Variants in STK10 observed in about 807,000 individuals in gnomAD.
STK10 encodes the protein serine/threonine kinase 10.
Under a neutral mutation model 113.8 loss-of-function variants are expected in STK10, and 78 were observed. The ratio of observed to expected loss-of-function variants is 0.69; its 90% confidence interval spans 0.57 to 0.83. The LOEUF is 0.83. STK10 is among the 40% of genes least tolerant of loss of function. STK10 has a pLI of 0.00. For missense variants in STK10, 1,109 were observed against 1,280.1 expected, an observed-to-expected ratio of 0.87 and a Z score of 2.04; for synonymous variants, 465 against 494.7, an observed-to-expected ratio of 0.94 and a Z score of 0.80.
chr5:172,132,932 C>T (rs1232794817), intron 2 of STK10, among the ~76,000 whole-genome samples: 7 of 152,140 alleles, frequency 4.6e-5, no homozygotes, highest in South Asian at 2.1e-4. Context: ...CCTGTGGACA[C>T]GGTCATTAAC....
At position 172,117,601 on chromosome 5, in the gene STK10, T is replaced by C. The variant is rs1289266841; in HGVS notation, c.400A>G (p.Ile134Val). The C allele has an allele frequency of 1.2e-6, 2 of 1,614,000 alleles. No homozygotes were observed. The highest frequency in any genetic ancestry group is 2.2e-5 in the East Asian group (1 of 44,854). Residue 134 changes from isoleucine (I) to valine (V), a missense_variant, in exon 4 of 19, where the codon ATA becomes GTA. This residue lies in a region of STK10 where 120 missense variants were observed against 134.8 expected (regional missense o/e 0.89). Transcript: ENST00000176763. ...ELDRGLTEPQ[I>V]QVVCRQMLEA... ...AGCATCTGGCGGCAAACCACCTGTATCTGGGGCTCCGTGAGGCCTCTGTCC... is the reference window on the plus strand; with the variant it reads ...AGCATCTGGCGGCAAACCACCTGTACCTGGGGCTCCGTGAGGCCTCTGTCC...
Position 172,156,756 on chromosome 5 carries a change from C to T in STK10, c.189G>A (p.Ala63=), listed in dbSNP as rs748777126. The change falls in exon 2 of 19, where the codon GCG becomes GCA. Residue 63 remains alanine (A), a synonymous_variant. Coordinates refer to ENST00000176763, the MANE Select transcript of STK10 (RefSeq NM_005990.4). The part of the protein sequence containing the change: ...AKNKETGALA[A]AKVIETKSEE... ...CACTCTTGGTTTCAATGACTTTGGC[C>T]GCAGCCAAAGCACCCGTCTCCTTAT... 2.0e-5 allele frequency: 33 copies of T among 1,613,872 alleles called. No homozygotes were observed. The highest frequency in any genetic ancestry group is 2.0e-4 in the African/African-American group (15 of 74,900).
intron 5 of STK10, 96 bp from the exon 6 acceptor site, chr5:172,106,910 G>T: frequency 7.8e-7 from 1 of 1,290,154 alleles, no homozygotes; most frequent in Non-Finnish European, 1.1e-6. Context: ...GCCACTGTCG[G>T]GGTTGGCAGC....
Position 172,082,601 on chromosome 5 carries a change from C to G in STK10, c.1810-96G>C. On this transcript the variant is annotated intron_variant, in intron 11 of 18. Transcript: ENST00000176763. This position sits in a 1 kb window ranked among gnomAD's most constrained non-coding sequence, Gnocchi z 4.3. ...ATGGGGAGAACTCAGAGCTTGTGAT[C>G]AGACCTAAGCTTGAATCCCAGCTCT... 1 of 1,427,906 alleles carries G rather than the reference C, an allele frequency of 7.0e-7. No individual in the cohort carries two copies. The highest frequency in any genetic ancestry group is 9.4e-7 in the Non-Finnish European group (1 of 1,068,002). 88.5% of individuals were successfully genotyped at this position (1,427,906 alleles called of 1,614,324 possible).
chr5:172,183,869 A>G (rs1770906250), intron 1 of STK10, among the ~76,000 whole-genome samples: 1 of 152,164 alleles, frequency 6.6e-6, no homozygotes, highest in East Asian at 1.9e-4. Context: ...CACAAAATCA[A>G]TCCTATCCTC....
intron 2 of STK10, among the ~76,000 whole-genome samples, chr5:172,153,835 CTTTGACTGTT>C (rs1770294665): frequency 6.6e-6 from 1 of 152,238 alleles, no homozygotes; most frequent in Non-Finnish European, 1.5e-5. Flanking sequence ...GGTCCCTCTA[CTTTGACTGTT>C]CTTCCTTCTC....
chr5:172,100,238 T>C (rs1581155731), intron 7 of STK10, among the ~76,000 whole-genome samples: 1 of 152,136 alleles, frequency 6.6e-6, no homozygotes, highest in African/African-American at 2.4e-5. Context: ...GGTAGGCTGG[T>C]CTGGGCACAC....
chr5:172,057,254 T>G, intron 15 of STK10, 95 bp downstream of exon 15: 1 of 1,503,178 alleles, frequency 6.7e-7, no homozygotes, highest in Non-Finnish European at 8.9e-7. Context: ...TCATCCAAAG[T>G]GTGCACCCAA....
chr5:172,061,399 G>A, intron 13 of STK10, 131 bp from the exon 14 acceptor site: 1 of 1,353,968 alleles, frequency 7.4e-7, no homozygotes, highest in Non-Finnish European at 9.9e-7. Context: ...ATTGGTGGAG[G>A]AGAAATTTAA....
At chr5:172,146,200 C>G (rs968075837) in intron 2 of STK10, among the ~76,000 whole-genome samples, 2 of 152,206 alleles carry the variant, frequency 1.3e-5, no homozygotes, top group African/African-American at 2.4e-5. Flanking sequence ...CCTAAACTGC[C>G]GGGCCCACAG....
At chr5:172,059,115 A>C (rs1475147379) in intron 14 of STK10, among the ~76,000 whole-genome samples, 1 of 151,534 alleles carries the variant, frequency 6.6e-6, no homozygotes, top group East Asian at 1.9e-4. Context: ...CTGTAGTCCC[A>C]GCTACTCAGG....
chr5:172,143,746 A>G (rs1207809591), intron 2 of STK10, among the ~76,000 whole-genome samples: 1 of 152,228 alleles, frequency 6.6e-6, no homozygotes, highest in African/African-American at 2.4e-5. Context: ...GAGCGAAGTC[A>G]CTTTATCCTT....
intron 12 of STK10, among the ~76,000 whole-genome samples, chr5:172,067,174 A>C (rs7717237): frequency 0.7 from 105,603 of 151,854 alleles, 37,563 homozygotes; most frequent in African/African-American, 0.85. Flanking sequence ...CATGGCAAAA[A>C]CCCGTCTCTA....
chr5:172,117,757 G>A lies in STK10; in HGVS notation c.371-127C>T, dbSNP rs6895951. ...AGGCCAGGCGTGGTGGCTCACGCCT[G>A]TAATCCCAGCACTTTGAGAGGCCGA... On this transcript the variant is annotated intron_variant, in intron 3 of 18. Coordinates refer to ENST00000176763, the MANE Select transcript of STK10 (RefSeq NM_005990.4). The A allele has an allele frequency of 4.3e-3, 5,648 of 1,314,494 alleles. 71 individuals carry two copies. The highest frequency in any genetic ancestry group is 0.042 in the African/African-American group (2,850 of 67,474). 81.4% of individuals were successfully genotyped at this position (1,314,494 alleles called of 1,614,324 possible).
At chr5:172,135,921 G>A (rs1451225112) in intron 2 of STK10, among the ~76,000 whole-genome samples, 1 of 151,898 alleles carries the variant, frequency 6.6e-6, no homozygotes, top group African/African-American at 2.4e-5. Context: ...CAGCTACTTG[G>A]GTGGCTGAGG....
intron 15 of STK10, among the ~76,000 whole-genome samples, chr5:172,056,613 A>G (rs890980379): frequency 2.0e-5 from 3 of 152,182 alleles, no homozygotes; most frequent in Admixed American, 6.6e-5. Flanking sequence ...CACGCCTGTA[A>G]TCCTGGCACT....
intron 2 of STK10, among the ~76,000 whole-genome samples, chr5:172,132,880 A>T (rs1769784924): frequency 6.6e-6 from 1 of 152,210 alleles, no homozygotes. Flanking sequence ...GGAGATATAG[A>T]AATGAGTGGT....
intron 12 of STK10, among the ~76,000 whole-genome samples, chr5:172,065,898 G>C (rs1017374360): frequency 7.9e-5 from 12 of 152,172 alleles, no homozygotes; most frequent in African/African-American, 2.9e-4. Flanking sequence ...TGCCCTCCTG[G>C]TCAGACGCCA....
At chr5:172,117,448 G>A in intron 4 of STK10, 33 bp downstream of exon 4, 1 of 1,606,186 alleles carries the variant, frequency 6.2e-7, no homozygotes, top group Non-Finnish European at 8.5e-7. Flanking sequence ...CAGACACCCT[G>A]TGGCTCCACC....
Sources: allele counts gnomAD v4.1 joint callset (sites outside exome capture counted in the v4.1 genomes callset), GRCh38; gene constraint gnomAD v4.1.1; regional missense constraint gnomAD v4.1.1; non-coding constraint Gnocchi (gnomAD v3.1); transcripts MANE v1.5; gene names NCBI Gene and HGNC (gene_info 2026-07-23, HGNC 2026-07-21).